CSGALNACT1: variants seen among roughly 807,000 people sequenced by gnomAD.
CSGALNACT1 encodes chondroitin sulfate N-acetylgalactosaminyltransferase 1.
In CSGALNACT1, 52 loss-of-function variants were observed where a neutral mutation model predicts 51.0. That is an observed-to-expected ratio of 1.02 (90% CI 0.82 to 1.29). The LOEUF (loss-of-function observed/expected upper bound fraction) is 1.29. CSGALNACT1 is among the 50% of genes most tolerant of loss of function. CSGALNACT1 has a pLI of 0.00. For synonymous variants in CSGALNACT1, 341 were observed against 254.4 expected, an observed-to-expected ratio of 1.34 and a Z score of -3.24; for missense variants, 935 against 679.2, an observed-to-expected ratio of 1.38 and a Z score of -4.19.
chr8:19,408,648 A>AT lies in CSGALNACT1; in HGVS notation c.1273dup (p.Met425AsnfsTer16). The AT allele has an allele frequency of 6.2e-7, 1 of 1,613,892 alleles. No individual in the cohort carries two copies. The highest frequency in any genetic ancestry group is 8.5e-7 in the Non-Finnish European group (1 of 1,179,994). ...GAAGTCTGACCGATACTGACACGTC[A>AT]TCCCAAATCCAAAGTCTCTCCAAAA... is the stretch of plus-strand genomic sequence containing the variant. On this transcript the variant is annotated frameshift_variant, in exon 9 of 10. Transcript: ENST00000454498. LOFTEE classifies it high-confidence loss of function.
intron 3 of CSGALNACT1, among the ~76,000 whole-genome samples, chr8:19,507,067 C>T (rs2077476264): frequency 1.3e-5 from 2 of 152,080 alleles, no homozygotes; most frequent in African/African-American, 2.4e-5. Flanking sequence ...TGGGGAAGCA[C>T]CCAGAGGTTC....
chr8:19,442,530 C>G (rs537768166), intron 5 of CSGALNACT1, among the ~76,000 whole-genome samples: 1 of 137,566 alleles, frequency 7.3e-6, no homozygotes, highest in Non-Finnish European at 1.5e-5. Flanking sequence ...TGAGAACACA[C>G]GGACACAGGA....
At chr8:19,640,805 A>AG (rs2154176554) in intron 1 of CSGALNACT1, among the ~76,000 whole-genome samples, 1 of 152,326 alleles carries the variant, frequency 6.6e-6, no homozygotes, top group African/African-American at 2.4e-5. Context: ...ACTTGAAAAA[A>AG]GATTATGAAA....
chr8:19,572,611 G>A (rs1252555313), intron 3 of CSGALNACT1, among the ~76,000 whole-genome samples: 1 of 152,148 alleles, frequency 6.6e-6, no homozygotes, highest in Non-Finnish European at 1.5e-5. Context: ...TATTCTAGTA[G>A]TTCAAACTAA....
At chr8:19,604,696 A>T (rs534633353), upstream of CSGALNACT1, among the ~76,000 whole-genome samples, 345 of 151,242 alleles carry the variant, frequency 2.3e-3, 1 homozygote, top group Non-Finnish European at 3.1e-3. Flanking sequence ...TCACAATGTC[A>T]GGAGATCAAG....
intron 5 of CSGALNACT1, among the ~76,000 whole-genome samples, chr8:19,454,850 G>A (rs759259950): frequency 9.2e-5 from 14 of 151,652 alleles, no homozygotes; most frequent in Non-Finnish European, 1.6e-4. Context: ...TAACTTCAGC[G>A]AGATCTCTTG....
In CSGALNACT1 at chr8:19,420,516, G is replaced by A. The variant is rs36026721; in HGVS notation, c.956C>T (p.Ala319Val). The A allele has an allele frequency of 2.4e-4, 383 of 1,613,716 alleles. 1 individual carries two copies. Among genetic ancestry groups the A allele is most frequent in the Admixed American group, 4.7e-4 (28 of 59,992 alleles). Residue 319 changes from alanine (A) to valine (V), a missense_variant and splice_region_variant, in exon 7 of 10, where the codon GCT becomes GTT. Ala to Val is a moderately conservative substitution (Grantham distance 64). Coordinates refer to ENST00000454498, the Ensembl canonical transcript of CSGALNACT1. ...GAAGGTAAAGTTCCTGAAGTTGGCA[G>A]CTCTGAAAGGCAAGACCAGGTACTG...
At chr8:19,519,944 C>T (rs1587734413) in intron 3 of CSGALNACT1, among the ~76,000 whole-genome samples, 2 of 152,246 alleles carry the variant, frequency 1.3e-5, no homozygotes, top group African/African-American at 4.8e-5. Context: ...TATCTGGGAA[C>T]ATTCCTACAC....
intron 6 of CSGALNACT1, among the ~76,000 whole-genome samples, chr8:19,438,491 A>G (rs111736433): frequency 2.2e-4 from 34 of 152,274 alleles, no homozygotes; most frequent in African/African-American, 7.0e-4. Context: ...ATTTTATTCT[A>G]TTTGATCTTA....
At chr8:19,642,498 T>G (rs1485540438) in intron 1 of CSGALNACT1, among the ~76,000 whole-genome samples, 1 of 151,644 alleles carries the variant, frequency 6.6e-6, no homozygotes, top group Non-Finnish European at 1.5e-5. Flanking sequence ...AAGCTGAGAG[T>G]AGTGGCTCAT....
intron 1 of CSGALNACT1, among the ~76,000 whole-genome samples, chr8:19,713,453 G>C (rs1589652046): frequency 6.6e-6 from 1 of 152,230 alleles, no homozygotes; most frequent in East Asian, 1.9e-4. Context: ...AAGATAGGTG[G>C]AAGTCCTCAC....
At chr8:19,550,673 TGTC>T (rs2087792096) in intron 3 of CSGALNACT1, among the ~76,000 whole-genome samples, 3 of 152,214 alleles carry the variant, frequency 2.0e-5, no homozygotes, top group Admixed American at 2.0e-4. Flanking sequence ...ATTTAAGTGA[TGTC>T]ACTGGGTGAG....
intron 1 of CSGALNACT1, among the ~76,000 whole-genome samples, chr8:19,703,970 C>G (rs190082122): frequency 8.4e-4 from 128 of 152,228 alleles, no homozygotes; most frequent in African/African-American, 2.9e-3. Flanking sequence ...GCTGTCAGAC[C>G]CTTGAGGGTA....
chr8:19,682,445 A>G (rs1355534646), intron 1 of CSGALNACT1: 3 of 306,540 alleles, frequency 9.8e-6, no homozygotes, highest in South Asian at 2.5e-5. Flanking sequence ...TTCACACCCA[A>G]TAAAGGAAAC....
chr8:19,442,452 C>T (rs1162766031), intron 5 of CSGALNACT1, among the ~76,000 whole-genome samples: 2 of 151,840 alleles, frequency 1.3e-5, no homozygotes, highest in African/African-American at 4.8e-5. Flanking sequence ...CCATCATTCT[C>T]AGCAAACTAT....
rs2068296099 is a variant in CSGALNACT1, at chr8:19,471,982, T to A, written c.635-13340A>T. On this transcript the variant is annotated intron_variant, in intron 4 of 9. Transcript: ENST00000454498. ...TCTCTTTTTCACCTTCACTTCCTATTGTTGAAGAACTGTGGGTTTCTAATG... is the reference window on the plus strand; with the variant it reads ...TCTCTTTTTCACCTTCACTTCCTATAGTTGAAGAACTGTGGGTTTCTAATG... 2.6e-5 allele frequency among the ~76,000 whole-genome samples: 4 copies of A among 152,184 alleles called. No homozygotes were observed. In the South Asian group the frequency reaches 8.3e-4, roughly 32 times the overall value.
At chr8:19,525,511 G>A (rs2081487625) in intron 3 of CSGALNACT1, among the ~76,000 whole-genome samples, 1 of 149,552 alleles carries the variant, frequency 6.7e-6, no homozygotes, top group Non-Finnish European at 1.5e-5. Flanking sequence ...CTGCTACTCA[G>A]GAGGCTGAGG....
intron 1 of CSGALNACT1, among the ~76,000 whole-genome samples, chr8:19,666,981 AAG>A (rs1491517111): frequency 4.9e-4 from 7 of 14,344 alleles, no homozygotes; most frequent in African/African-American, 3.7e-3. Context: ...GAAAGAAAGA[AAG>A]AAAGAAAGAA....
chr8:19,488,726 C>T (rs1232642069), intron 4 of CSGALNACT1, among the ~76,000 whole-genome samples: 1 of 151,972 alleles, frequency 6.6e-6, no homozygotes, highest in Non-Finnish European at 1.5e-5. Context: ...TGTGTAAAGA[C>T]CCATATATAG....
Sources: allele counts gnomAD v4.1 joint callset (sites outside exome capture counted in the v4.1 genomes callset), GRCh38; gene constraint gnomAD v4.1.1; transcripts MANE v1.5; gene names NCBI Gene and HGNC (gene_info 2026-07-23, HGNC 2026-07-21).